The following LMO3 variants were observed in gnomAD, a reference collection of about 807,000 sequenced individuals.
LMO3 encodes LIM domain only 3.
A neutral mutation model predicts 15.8 loss-of-function variants in LMO3; 2 were observed. That is an observed-to-expected ratio of 0.13 (90% CI 0.05 to 0.40). LMO3 has a LOEUF of 0.40. Among genes scored for constraint, LMO3 ranks in the 10% least tolerant of loss-of-function variants. The pLI is 0.99. For missense variants in LMO3, 86 were observed against 182.2 expected, an observed-to-expected ratio of 0.47 and a Z score of 3.04; for synonymous variants, 62 against 63.8, an observed-to-expected ratio of 0.97 and a Z score of 0.13.
chr12:16,604,608 C>A lies in LMO3; in HGVS notation c.-9+1458G>T. On this transcript the variant is annotated intron_variant, in intron 1 of 3. Coordinates refer to ENST00000537304, the MANE Select transcript of LMO3 (RefSeq NM_018640.5). This position sits in a 1 kb window ranked among gnomAD's most constrained non-coding sequence, Gnocchi z 5.3. Reference sequence around the variant, plus strand: ...CATACATACACTCTAACAAAGAATCCCTTGCGGAGTTTATGCTCCAGCCTT... The same window carrying A: ...CATACATACACTCTAACAAAGAATCACTTGCGGAGTTTATGCTCCAGCCTT... The A allele has an allele frequency of 1.9e-6, 1 of 534,034 alleles. No homozygotes were observed. Among genetic ancestry groups the A allele is most frequent in the Non-Finnish European group, 3.3e-6 (1 of 302,192 alleles). The allele number at this position is 534,034 out of a possible 1,614,324, so 33.1% of individuals were successfully genotyped here. A position where few individuals can be genotyped will look rare whatever the true frequency, so the allele number is the denominator to read the frequency against.
At chr12:16,572,795 G>T (rs1942860525) in intron 2 of LMO3, among the ~76,000 whole-genome samples, 4 of 150,946 alleles carry the variant, frequency 2.6e-5, no homozygotes, top group African/African-American at 9.7e-5. Context: ...CAACCACTTT[G>T]GGAAAACCTG....
chr12:16,601,142 A>G (rs1392351634), intron 1 of LMO3, among the ~76,000 whole-genome samples: 1 of 152,218 alleles, frequency 6.6e-6, no homozygotes, highest in East Asian at 1.9e-4. Context: ...GAAGTTCAAT[A>G]ACATTAAATA....
In LMO3 at chr12:16,565,983, C is replaced by CATATATATAT. The variant is rs61358392; in HGVS notation, c.207-5455_207-5446dup. On this transcript the variant is annotated intron_variant, in intron 2 of 3. Transcript: ENST00000537304. ...GGATGAATGGATGAAGAAAATGTGC[C>CATATATATAT]ATATATATATATATATATATATATA... Among the ~76,000 whole-genome samples, 29 of 43,850 alleles carry CATATATATAT rather than the reference C, an allele frequency of 6.6e-4. 1 individual carries two copies. Among genetic ancestry groups the CATATATATAT allele is most frequent in the Non-Finnish European group, 7.0e-4 (16 of 22,902 alleles). The allele number at this position is 43,850 out of a possible 152,430, so 28.8% of individuals were successfully genotyped here.
At chr12:16,592,477 C>G (rs1943524059) in intron 2 of LMO3, among the ~76,000 whole-genome samples, 1 of 151,974 alleles carries the variant, frequency 6.6e-6, no homozygotes, top group Non-Finnish European at 1.5e-5. Flanking sequence ...ATTACATTCA[C>G]AGTATAAGTG....
At chr12:16,554,474 G>A (rs2137271423) in intron 3 of LMO3, among the ~76,000 whole-genome samples, 1 of 152,074 alleles carries the variant, frequency 6.6e-6, no homozygotes, top group South Asian at 2.1e-4. Flanking sequence ...AAGAAGTCCG[G>A]GTTGTGTACT....
chr12:16,583,778 A>G (rs1943237086), intron 2 of LMO3, among the ~76,000 whole-genome samples: 1 of 152,204 alleles, frequency 6.6e-6, no homozygotes. Context: ...AAATTGAGCT[A>G]GCACAGGCAT....
upstream of LMO3, chr12:16,606,385 G>A (rs1317473585): frequency 1.3e-5 from 2 of 152,398 alleles, no homozygotes; most frequent in Admixed American, 1.3e-4. Context: ...CCGGCTCTCA[G>A]CTGCAAAATG....
chr12:16,558,174 T>C (rs1324050443), intron 3 of LMO3, among the ~76,000 whole-genome samples: 1 of 152,058 alleles, frequency 6.6e-6, no homozygotes, highest in Non-Finnish European at 1.5e-5. Flanking sequence ...TTTGCTTAAA[T>C]GTGAGTGTAA....
intron 3 of LMO3, among the ~76,000 whole-genome samples, chr12:16,554,104 A>G (rs1457641423): frequency 1.3e-5 from 2 of 152,164 alleles, no homozygotes; most frequent in Non-Finnish European, 2.9e-5. Flanking sequence ...TTAATATGAG[A>G]TGTAATTTCT....
chr12:16,608,549 A>G (rs1427723058), upstream of LMO3: 5 of 152,160 alleles, frequency 3.3e-5, no homozygotes, highest in Admixed American at 1.3e-4. This position sits in a 1 kb window ranked among gnomAD's most constrained non-coding sequence, Gnocchi z 4.1. Flanking sequence ...CCAACCTGCA[A>G]AGACATTAAC....
chr12:16,568,845 A>T (rs1186592110), intron 2 of LMO3, among the ~76,000 whole-genome samples: 1 of 152,176 alleles, frequency 6.6e-6, no homozygotes, highest in Non-Finnish European at 1.5e-5. Flanking sequence ...ATAACTTTGA[A>T]ACAAATGGAG....
intron 2 of LMO3, among the ~76,000 whole-genome samples, chr12:16,575,721 GAAC>G (rs921805670): frequency 6.6e-5 from 10 of 152,118 alleles, no homozygotes; most frequent in Non-Finnish European, 1.2e-4. Flanking sequence ...TGTGTCAAGA[GAAC>G]AACAGAAGGA....
chr12:16,565,612 A>T (rs1415601276), intron 2 of LMO3, among the ~76,000 whole-genome samples: 1 of 152,142 alleles, frequency 6.6e-6, no homozygotes, highest in Non-Finnish European at 1.5e-5. Context: ...AATGTTTAAC[A>T]TTATTTTGAA....
intron 3 of LMO3, among the ~76,000 whole-genome samples, chr12:16,552,344 CTCTCTT>C (rs1333177007): frequency 6.6e-6 from 1 of 151,986 alleles, no homozygotes; most frequent in Non-Finnish European, 1.5e-5. Context: ...TGATAGTAGT[CTCTCTT>C]TATCAGATAG....
At chr12:16,554,295 G>T (rs1317809745) in intron 3 of LMO3, among the ~76,000 whole-genome samples, 1 of 152,116 alleles carries the variant, frequency 6.6e-6, no homozygotes, top group Non-Finnish European at 1.5e-5. Flanking sequence ...AAAAATGTTA[G>T]CCTAGCCATC....
At chr12:16,570,283 G>C (rs938355138) in intron 2 of LMO3, among the ~76,000 whole-genome samples, 4 of 152,146 alleles carry the variant, frequency 2.6e-5, no homozygotes, top group African/African-American at 7.2e-5. Context: ...TATCTTTACA[G>C]ACTTCTTAGA....
intron 2 of LMO3, among the ~76,000 whole-genome samples, chr12:16,590,217 G>T (rs1360481738): frequency 6.6e-6 from 1 of 152,032 alleles, no homozygotes; most frequent in Non-Finnish European, 1.5e-5. Flanking sequence ...ATTATGCTTA[G>T]CTCTTCTTGA....
chr12:16,579,893 C>T lies in LMO3; in HGVS notation c.207-19355G>A, dbSNP rs138570500. ...TAATGATTATCCATTGTTATTTATACCCACTAGGTTTAATTGCCAACAGAG... is the reference window on the plus strand; with the variant it reads ...TAATGATTATCCATTGTTATTTATATCCACTAGGTTTAATTGCCAACAGAG... On this transcript the variant is annotated intron_variant, in intron 2 of 3. Transcript: ENST00000537304. Among the ~76,000 whole-genome samples the T allele has an allele frequency of 9.0e-3, 1,369 of 152,220 alleles. 65 individuals carry two copies. The highest frequency in any genetic ancestry group is 0.078 in the Admixed American group (1,196 of 15,288).
At chr12:16,581,790 A>C (rs749166345) in intron 2 of LMO3, among the ~76,000 whole-genome samples, 10 of 152,070 alleles carry the variant, frequency 6.6e-5, no homozygotes, top group Non-Finnish European at 1.5e-4. Flanking sequence ...TAAAGCATAT[A>C]TATTTTAATA....
Sources: gnomAD v4.1 joint callset for allele counts (sites outside exome capture counted in the v4.1 genomes callset) on GRCh38, gnomAD v4.1.1 for gene constraint, Gnocchi (gnomAD v3.1) non-coding constraint, MANE v1.5 for transcripts, NCBI Gene and HGNC (gene_info 2026-07-23, HGNC 2026-07-21) for gene names.